The following TENM4 variants were observed in gnomAD, a reference collection of about 807,000 sequenced individuals.
TENM4 encodes teneurin transmembrane protein 4.
Under a neutral mutation model 243.3 loss-of-function variants are expected in TENM4, and 82 were observed. That is an observed-to-expected ratio of 0.34 (90% CI 0.28 to 0.40). The LOEUF (loss-of-function observed/expected upper bound fraction) is 0.40. Among genes scored for constraint, TENM4 ranks in the 10% least tolerant of loss-of-function variants. The pLI is 1.00. For missense variants in TENM4, 3,138 were observed against 3,673.3 expected, an observed-to-expected ratio of 0.85 and a Z score of 3.77; for synonymous variants, 1,412 against 1,456.3, an observed-to-expected ratio of 0.97 and a Z score of 0.69.
At chr11:78,925,867 C>A (rs1422523051) in intron 6 of TENM4, among the ~76,000 whole-genome samples, 5 of 149,276 alleles carry the variant, frequency 3.3e-5, no homozygotes, top group African/African-American at 1.3e-4. Flanking sequence ...AAAAAAAAAG[C>A]AATTAACAAC....
chr11:78,667,311 T>C (rs1858181518), intron 32 of TENM4, among the ~76,000 whole-genome samples: 1 of 152,178 alleles, frequency 6.6e-6, no homozygotes, highest in African/African-American at 2.4e-5. Context: ...CATGGAACTC[T>C]TCTTGAAAAA....
intron 3 of TENM4, among the ~76,000 whole-genome samples, chr11:79,169,726 T>A (rs1245578683): frequency 6.6e-6 from 1 of 152,140 alleles, no homozygotes; most frequent in African/African-American, 2.4e-5. Flanking sequence ...CAAACACTTA[T>A]CAGTCAGCAA....
intron 28 of TENM4, among the ~76,000 whole-genome samples, chr11:78,695,027 CTTTATT>C (rs139285048): frequency 4.8e-3 from 724 of 152,102 alleles, no homozygotes; most frequent in South Asian, 9.6e-3. Context: ...CCTCAGCGTC[CTTTATT>C]TTTATTTTTA....
intron 6 of TENM4, among the ~76,000 whole-genome samples, chr11:78,939,574 G>A (rs906713766): frequency 1.3e-4 from 20 of 152,210 alleles, no homozygotes; most frequent in African/African-American, 4.3e-4. Flanking sequence ...CCAATTCTTC[G>A]CTGCAGCCTT....
intron 1 of TENM4, among the ~76,000 whole-genome samples, chr11:79,299,062 C>CCACACACA (rs61589223): frequency 6.0e-5 from 9 of 150,152 alleles, no homozygotes; most frequent in African/African-American, 2.0e-4. Flanking sequence ...GGTGCTGTAT[C>CCACACACA]CACACACACA....
chr11:78,994,268 T>C (rs1591190756), intron 6 of TENM4, among the ~76,000 whole-genome samples: 1 of 152,312 alleles, frequency 6.6e-6, no homozygotes, highest in South Asian at 2.1e-4. Flanking sequence ...AGTTGTTTTT[T>C]CCCCAGTAGA....
intron 12 of TENM4, among the ~76,000 whole-genome samples, chr11:78,833,145 T>C (rs1253142202): frequency 2.0e-5 from 3 of 152,070 alleles, no homozygotes; most frequent in African/African-American, 7.2e-5. Context: ...TCCCCCTAAA[T>C]CAAAATAATA....
At chr11:79,155,449 GT>G (rs1157612421) in intron 3 of TENM4, among the ~76,000 whole-genome samples, 5 of 151,944 alleles carry the variant, frequency 3.3e-5, no homozygotes, top group Non-Finnish European at 7.4e-5. Context: ...GTTAATATGG[GT>G]TTTTAAGAAT....
intron 6 of TENM4, among the ~76,000 whole-genome samples, chr11:78,943,244 CCAA>C (rs1427322074): frequency 2.6e-5 from 4 of 152,204 alleles, no homozygotes; most frequent in Non-Finnish European, 5.9e-5. Context: ...ATTTCACACC[CCAA>C]CTTCTAGGAA....
intron 26 of TENM4, among the ~76,000 whole-genome samples, chr11:78,709,739 C>T (rs1859353564): frequency 6.6e-6 from 1 of 152,228 alleles, no homozygotes; most frequent in Non-Finnish European, 1.5e-5. Context: ...GTATCAGTAC[C>T]TCTCAGCCTG....
At chr11:79,046,455 A>G (rs1859662894) in intron 6 of TENM4, among the ~76,000 whole-genome samples, 1 of 149,290 alleles carries the variant, frequency 6.7e-6, no homozygotes, top group Non-Finnish European at 1.5e-5. Context: ...CTCCCCCCCA[A>G]AAAAACGACA....
At chr11:79,317,415 C>T (rs75971946) in intron 1 of TENM4, among the ~76,000 whole-genome samples, 1 of 152,100 alleles carries the variant, frequency 6.6e-6, no homozygotes, top group African/African-American at 2.4e-5. Flanking sequence ...CGCAGACAGG[C>T]TATCTAATTT....
chr11:79,142,104 TGTTATTTAACATA>T (rs1276554911), intron 4 of TENM4, among the ~76,000 whole-genome samples: 1 of 152,066 alleles, frequency 6.6e-6, no homozygotes, highest in Non-Finnish European at 1.5e-5. Flanking sequence ...CTCTTGCCAC[TGTTATTTAACATA>T]GTACTGGAGC....
intron 2 of TENM4, among the ~76,000 whole-genome samples, chr11:79,265,859 G>A (rs926564229): frequency 5.9e-5 from 9 of 152,096 alleles, no homozygotes; most frequent in Non-Finnish European, 1.0e-4. Flanking sequence ...TCTACCCAGG[G>A]TATTTTCTTG....
At chr11:78,691,035 A>C (rs1401272199) in intron 28 of TENM4, among the ~76,000 whole-genome samples, 1 of 152,192 alleles carries the variant, frequency 6.6e-6, no homozygotes, top group Non-Finnish European at 1.5e-5. Context: ...TGTCACTTTG[A>C]CACCACTCCT....
chr11:79,246,824 G>C (rs1479461266), intron 2 of TENM4, among the ~76,000 whole-genome samples: 1 of 152,082 alleles, frequency 6.6e-6, no homozygotes, highest in Admixed American at 6.5e-5. Flanking sequence ...AGGGAAGAGG[G>C]AGAGGGTTGT....
Position 79,064,899 on chromosome 11 carries a change from G to A in TENM4, c.332C>T (p.Ala111Val). Residue 111 changes from alanine (A) to valine (V), a missense_variant, in exon 6 of 34, where the codon GCT becomes GTT. Around this residue, in one of 2 missense-constraint regions of TENM4, gnomAD observed 671 missense variants for 614.1 expected, o/e 1.09. Coordinates refer to ENST00000278550, the MANE Select transcript of TENM4 (RefSeq NM_001098816.3). Reference protein sequence around the residue: ...GLPHCGYSMGAGSDADMEADT... With the variant: ...GLPHCGYSMGVGSDADMEADT... ...AGCCTCCATGTCGGCATCAGAGCCA[G>A]CCCCCATGGAGTAGCCGCAGTGGGG... 1 of 1,549,072 alleles carries A rather than the reference G, an allele frequency of 6.5e-7. No homozygotes were observed. Among genetic ancestry groups the A allele is most frequent in the Non-Finnish European group, 8.7e-7 (1 of 1,145,252 alleles).
intron 26 of TENM4, among the ~76,000 whole-genome samples, chr11:78,710,037 AGG>A (rs756364109): frequency 2.0e-5 from 3 of 152,242 alleles, no homozygotes; most frequent in Non-Finnish European, 2.9e-5. Context: ...CAGACTCAAG[AGG>A]GTCATGGTAA....
intron 6 of TENM4, among the ~76,000 whole-genome samples, chr11:79,053,702 G>A (rs890429923): frequency 2.0e-5 from 3 of 152,130 alleles, no homozygotes; most frequent in African/African-American, 7.2e-5. Flanking sequence ...GAGAGTTTTG[G>A]GAAGGTCTGG....
Sources: gnomAD v4.1 joint callset for allele counts (sites outside exome capture counted in the v4.1 genomes callset) on GRCh38, gnomAD v4.1.1 for gene constraint, gnomAD v4.1.1 regional missense constraint, MANE v1.5 for transcripts, NCBI Gene and HGNC (gene_info 2026-07-23, HGNC 2026-07-21) for gene names.